TSPEAR: variants seen among roughly 807,000 people sequenced by gnomAD.
The protein encoded by TSPEAR is thrombospondin type laminin G domain and EAR repeats, also known as thrombospondin-type laminin G domain and EAR repeat-containing protein.
Under a neutral mutation model 71.6 loss-of-function variants are expected in TSPEAR, and 69 were observed. The ratio of observed to expected loss-of-function variants is 0.96; its 90% CI spans 0.79 to 1.18. TSPEAR has a LOEUF of 1.18. Among genes scored for constraint, TSPEAR ranks in the 50% most tolerant of loss-of-function variants. The pLI is 0.00. For synonymous variants in TSPEAR, 402 were observed against 387.2 expected (o/e 1.04, Z -0.45); for missense variants, 971 against 894.9 (o/e 1.09, Z -1.09).
rs113677795 is a variant in TSPEAR, at chr21:44,550,690, A to G, written c.304-16767T>C. 3.4e-3 allele frequency: 5,426 copies of G among 1,606,412 alleles called. 128 individuals carry two copies. In the African/African-American group the frequency reaches 0.058, roughly 17 times the overall value. On this transcript the variant is annotated intron_variant, in intron 2 of 11. Transcript: ENST00000323084. ...CCGGCTGGCCCTGGGGGACATGGCC[A>G]TCAGCAGCTAGACTTTTGGCCTGAG...
chr21:44,539,896 GC>G (rs1350780992), intron 2 of TSPEAR: 1 of 1,613,884 alleles, frequency 6.2e-7, no homozygotes, highest in Non-Finnish European at 8.5e-7. Context: ...AAGCCGGCTG[GC>G]AGCTAGACTG....
rs1569274052 is a variant in TSPEAR, at chr21:44,711,039, C to G, written c.82+394G>C. ...TGCAGGCTGGGGGCACCTCCACCAG[C>G]TAAGGAAATGGCTCGTGCACAGTAG... is the stretch of plus-strand genomic sequence containing the variant. On this transcript the variant is annotated intron_variant, in intron 1 of 11. Transcript: ENST00000323084. This position sits in a 1 kb window ranked among gnomAD's most constrained non-coding sequence, Gnocchi z 4.5. Among the ~76,000 whole-genome samples the G allele has an allele frequency of 6.6e-6, 1 of 152,224 alleles. No homozygotes were observed.
intron 1 of TSPEAR, chr21:44,702,140 G>C: frequency 8.0e-7 from 1 of 1,245,480 alleles, no homozygotes; most frequent in Non-Finnish European, 1.1e-6. Context: ...ATGAGCACAG[G>C]GGTGGAGACT....
intron 1 of TSPEAR, among the ~76,000 whole-genome samples, chr21:44,592,877 G>A (rs1333444067): frequency 1.3e-5 from 2 of 152,122 alleles, no homozygotes; most frequent in African/African-American, 2.4e-5. Context: ...CTCATCCAGC[G>A]TGGTCCTTCC....
chr21:44,593,278 C>T lies in TSPEAR; in HGVS notation c.83-25273G>A, dbSNP rs1459108523. 1.3e-5 allele frequency among the ~76,000 whole-genome samples: 2 copies of T among 152,182 alleles called. No homozygotes were observed. The highest frequency in any genetic ancestry group is 4.8e-5 in the African/African-American group (2 of 41,436). On this transcript the variant is annotated intron_variant, in intron 1 of 11. Coordinates refer to ENST00000323084, the MANE Select transcript of TSPEAR (RefSeq NM_144991.3). The surrounding 1 kb of genome is among the most constrained non-coding windows in gnomAD (Gnocchi z 5.9). Reference sequence around the variant, plus strand: ...GCCTGGGGTGGCTCCTCTGTGTGCTCTGCTTCTCCGAGGCTGCCCGTCAGC... The same window carrying T: ...GCCTGGGGTGGCTCCTCTGTGTGCTTTGCTTCTCCGAGGCTGCCCGTCAGC...
chr21:44,514,437 G>C (rs1171524221), intron 9 of TSPEAR, among the ~76,000 whole-genome samples: 4 of 152,176 alleles, frequency 2.6e-5, no homozygotes, highest in Non-Finnish European at 4.4e-5. Context: ...GAAGTGTGTG[G>C]CACCAAGTCG....
intron 1 of TSPEAR, chr21:44,611,992 A>T: frequency 8.7e-7 from 1 of 1,146,336 alleles, no homozygotes; most frequent in Non-Finnish European, 1.3e-6. Context: ...AAGGCTTGTG[A>T]GACTCCTGTG....
Position 44,612,844 on chromosome 21 carries a change from C to A in TSPEAR, c.83-44839G>T. The A allele has an allele frequency of 1.2e-6, 2 of 1,612,808 alleles. No individual in the cohort carries two copies. Among genetic ancestry groups the A allele is most frequent in the South Asian group, 2.2e-5 (2 of 91,042 alleles). On this transcript the variant is annotated intron_variant, in intron 1 of 11. Coordinates refer to ENST00000323084, the MANE Select transcript of TSPEAR (RefSeq NM_144991.3). The surrounding 1 kb of genome is among the most constrained non-coding windows in gnomAD (Gnocchi z 4.1). ...GCCACCCGGCCTCCTGCCTGTCCTT[C>A]CTCTGCCGCCCCGCGTGCTCCCGCC...
intron 1 of TSPEAR, among the ~76,000 whole-genome samples, chr21:44,610,570 C>A (rs1981596242): frequency 6.6e-6 from 1 of 152,240 alleles, no homozygotes; most frequent in Non-Finnish European, 1.5e-5. Context: ...TCATGGAGAA[C>A]CTCTGCTACG....
At chr21:44,668,692 T>C (rs994007426) in intron 1 of TSPEAR, among the ~76,000 whole-genome samples, 2 of 152,202 alleles carry the variant, frequency 1.3e-5, no homozygotes, top group African/African-American at 2.4e-5. Flanking sequence ...AAGACCAATA[T>C]ATAGACTAAT....
rs1569151946 is a variant in TSPEAR, at chr21:44,509,275, C to T, written c.1678G>A (p.Val560Ile). The change falls in exon 10 of 12, where the codon GTC becomes ATC. Residue 560 changes from valine (V) to isoleucine (I), a missense_variant. Coordinates refer to ENST00000323084, the MANE Select transcript of TSPEAR (RefSeq NM_144991.3). Reference sequence around the variant, plus strand: ...AGCTCGTAGATGACGGAGTTGATGACATAGGAATCATTCTGGACTTGCATC... The same window carrying T: ...AGCTCGTAGATGACGGAGTTGATGATATAGGAATCATTCTGGACTTGCATC... ...VEMQVQNDSY[V>I]INSVIYELNV... is the part of the protein sequence containing the mutation. 1.4e-5 allele frequency: 22 copies of T among 1,614,084 alleles called. No individual in the cohort carries two copies. Among genetic ancestry groups the T allele is most frequent in the Non-Finnish European group, 1.8e-5 (21 of 1,180,030 alleles).
chr21:44,654,514 G>GAGGTCCC (rs1569242972), intron 1 of TSPEAR: 1 of 1,613,564 alleles, frequency 6.2e-7, no homozygotes, highest in Non-Finnish European at 8.5e-7. Context: ...GCAGCAGCAG[G>GAGGTCCC]AGGTCCCATA....
intron 1 of TSPEAR, chr21:44,574,608 G>A (rs782637308): frequency 1.5e-6 from 2 of 1,294,370 alleles, no homozygotes; most frequent in South Asian, 3.4e-5. Context: ...CTGCAAGCCT[G>A]TCTGCTCTGT....
intron 2 of TSPEAR, among the ~76,000 whole-genome samples, chr21:44,541,785 C>T (rs185265746): frequency 6.6e-6 from 1 of 152,326 alleles, no homozygotes; most frequent in African/African-American, 2.4e-5. Flanking sequence ...AAGAATGAAA[C>T]CTATCTTTAA....
chr21:44,542,742 TAAAAAA>T (rs11404148), intron 2 of TSPEAR, among the ~76,000 whole-genome samples: 2 of 120,056 alleles, frequency 1.7e-5, no homozygotes, highest in East Asian at 4.6e-4. Context: ...AGAGACCTGT[TAAAAAA>T]AAAAAAAAAA....
At chr21:44,676,013 T>C (rs1440908052) in intron 1 of TSPEAR, 8 of 836,932 alleles carry the variant, frequency 9.6e-6, no homozygotes, top group South Asian at 2.6e-5. Flanking sequence ...CTTCAGCTGA[T>C]TGACAAATTT....
At chr21:44,655,954 C>G (rs1555942499) in intron 1 of TSPEAR, among the ~76,000 whole-genome samples, 3 of 152,098 alleles carry the variant, frequency 2.0e-5, no homozygotes, top group Non-Finnish European at 4.4e-5. Context: ...AAATCCCCTC[C>G]AAGGCTGAAG....
chr21:44,601,641 C>T (rs1980927929), intron 1 of TSPEAR: 2 of 1,613,538 alleles, frequency 1.2e-6, no homozygotes, highest in South Asian at 1.1e-5. Context: ...CCAGCTGCTG[C>T]CGCCCAGCCT....
rs782119937 is a variant in TSPEAR, at chr21:44,645,019, T to C, written c.82+66414A>G. Among the ~76,000 whole-genome samples the C allele has an allele frequency of 1.2e-3, 187 of 152,104 alleles. 2 individuals carry two copies. The highest frequency in any genetic ancestry group is 4.1e-3 in the Admixed American group (62 of 15,288). ...TGGACATCACAAAAAAATGGTGACA[T>C]GTGTTCATCATTTTGAGGAAAAGTA... is the stretch of plus-strand genomic sequence containing the variant. On this transcript the variant is annotated intron_variant, in intron 1 of 11. Transcript: ENST00000323084.
Sources: allele counts gnomAD v4.1 joint callset (sites outside exome capture counted in the v4.1 genomes callset), GRCh38; gene constraint gnomAD v4.1.1; non-coding constraint Gnocchi (gnomAD v3.1); transcripts MANE v1.5; gene names NCBI Gene and HGNC (gene_info 2026-07-23, HGNC 2026-07-21).